DUSP22: variants seen among roughly 807,000 people sequenced by gnomAD.
The protein encoded by DUSP22 is dual specificity protein phosphatase 22.
DUSP22 carries 24 observed loss-of-function variants against 24.5 expected under a neutral mutation model. The ratio of observed to expected loss-of-function variants is 0.98; its 90% CI spans 0.71 to 1.38. The LOEUF is 1.38. Ranked by LOEUF, DUSP22 falls within the 40% of genes most tolerant of loss-of-function variation. DUSP22 has a pLI of 0.00. For synonymous variants in DUSP22, 160 were observed against 106.4 expected (o/e 1.50, Z -3.10); for missense variants, 330 against 269.2 (o/e 1.23, Z -1.58).
intron 3 of DUSP22, among the ~76,000 whole-genome samples, chr6:323,610 G>A (rs1486144551): frequency 5.3e-5 from 8 of 152,300 alleles, no homozygotes; most frequent in Admixed American, 1.3e-4. Context: ...GAGAGGACGC[G>A]GGGAAGTGGC....
chr6:307,042 G>A (rs1048991581), intron 2 of DUSP22, among the ~76,000 whole-genome samples: 1 of 152,310 alleles, frequency 6.6e-6, no homozygotes, highest in African/African-American at 2.4e-5. Flanking sequence ...TCTGCAGTAG[G>A]CAGCTGGGTG....
In DUSP22 at chr6:349,164, C is replaced by A; in HGVS notation, c.*213C>A. The A allele has an allele frequency of 1.4e-6, 2 of 1,433,934 alleles. No individual in the cohort carries two copies. The highest frequency in any genetic ancestry group is 1.8e-6 in the Non-Finnish European group (2 of 1,099,812). 88.8% of individuals were successfully genotyped at this position (1,433,934 alleles called of 1,614,324 possible). A position where few individuals can be genotyped will look rare whatever the true frequency, so the allele number is the denominator to read the frequency against. ...CCTGGCTGCACCTGAGCTTGCTGCC[C>A]CTGGGGATGTTGCCCAGTGGCTGTG... is the stretch of plus-strand genomic sequence containing the variant. On this transcript the variant is annotated 3_prime_UTR_variant, in exon 7 of 7. Coordinates refer to ENST00000419235, the MANE Select transcript of DUSP22 (RefSeq NM_001286555.3).
chr6:332,140 G>A (rs1361948104), intron 3 of DUSP22, among the ~76,000 whole-genome samples: 1 of 152,304 alleles, frequency 6.6e-6, no homozygotes, highest in Non-Finnish European at 1.5e-5. Context: ...AGTGCCTGCT[G>A]TGTGCCGGGC....
rs1758771436 is a variant in DUSP22 at position 324,710 on chromosome 6, C to A, written c.139-10404C>A. ...CTCAAAACAGCTTCTAGAGTATGAT[C>A]CCAGAGGGAGGATGTGGTGTTCGGC... is the stretch of plus-strand genomic sequence containing the variant. On this transcript the variant is annotated intron_variant, in intron 3 of 6. Coordinates refer to ENST00000419235, the MANE Select transcript of DUSP22 (RefSeq NM_001286555.3). 3.3e-5 allele frequency among the ~76,000 whole-genome samples: 5 copies of A among 152,424 alleles called. No individual in the cohort carries two copies. In the South Asian group the frequency reaches 1.0e-3, roughly 32 times the overall value.
At position 348,261 on chromosome 6, in the gene DUSP22, A is replaced by G. The variant is rs766216487; in HGVS notation, c.422A>G (p.His141Arg). The change falls in exon 6 of 7, where the codon CAT becomes CGT. Residue 141 changes from histidine (H) to arginine (R), a missense_variant. Transcript: ENST00000419235. ...FQRQLQEFEK[H>R]EVHQYRQWLK... is the part of the protein sequence containing the mutation. ...AGACAGCTCCAGGAGTTTGAGAAGC[A>G]TGAGGTCCATCAGGTAAGCAGTTCT... is the stretch of plus-strand genomic sequence containing the variant. 3 of 1,614,298 alleles carry G rather than the reference A, an allele frequency of 1.9e-6. No homozygotes were observed. Among genetic ancestry groups the G allele is most frequent in the Non-Finnish European group, 2.5e-6 (3 of 1,180,052 alleles).
At chr6:331,097 G>A (rs537187103) in intron 3 of DUSP22, among the ~76,000 whole-genome samples, 1 of 152,414 alleles carries the variant, frequency 6.6e-6, no homozygotes, top group Non-Finnish European at 1.5e-5. Context: ...AGCAAACACA[G>A]AGCCCATTTT....
chr6:296,261 A>G (rs556552727), intron 1 of DUSP22, among the ~76,000 whole-genome samples: 1,478 of 151,874 alleles, frequency 9.7e-3, no homozygotes, highest in African/African-American at 0.034. Context: ...TATAATTGCC[A>G]ATGAGTTTAT....
chr6:347,550 C>G (rs371001440), intron 5 of DUSP22, among the ~76,000 whole-genome samples: 3 of 152,298 alleles, frequency 2.0e-5, no homozygotes, highest in Admixed American at 6.5e-5. Context: ...TCCCACCCTG[C>G]GGACACAGTG....
chr6:314,202 T>G (rs1758240068), intron 3 of DUSP22, among the ~76,000 whole-genome samples: 1 of 152,278 alleles, frequency 6.6e-6, no homozygotes, highest in Non-Finnish European at 1.5e-5. Context: ...AGCCCCTAAG[T>G]GAGGGTGATA....
chr6:324,943 A>G (rs1291101684), intron 3 of DUSP22, among the ~76,000 whole-genome samples: 2 of 152,292 alleles, frequency 1.3e-5, no homozygotes, highest in Non-Finnish European at 2.9e-5. Flanking sequence ...GTGCCTCCCT[A>G]AGGAGGGAGC....
rs752749709 is a variant in DUSP22 at position 349,000 on chromosome 6, C to T, written c.*49C>T. 2.0e-4 allele frequency: 308 copies of T among 1,548,792 alleles called. No individual in the cohort carries two copies. Among genetic ancestry groups the T allele is most frequent in the East Asian group, 7.8e-4 (32 of 40,914 alleles). On this transcript the variant is annotated 3_prime_UTR_variant, in exon 7 of 7. Coordinates refer to ENST00000419235, the MANE Select transcript of DUSP22 (RefSeq NM_001286555.3). ...TCCCACTGCTTGTCTTCAGTGTGCC[C>T]GGCTGGGCAGGGGTGCGGTGGTGGT... is the stretch of plus-strand genomic sequence containing the variant.
chr6:296,151 TAAGG>T (rs1757319021), intron 1 of DUSP22, among the ~76,000 whole-genome samples: 2 of 152,422 alleles, frequency 1.3e-5, no homozygotes, highest in African/African-American at 2.4e-5. Flanking sequence ...TTGACATTGA[TAAGG>T]AAGGGGGTAA....
chr6:349,997 A>G lies in DUSP22; in HGVS notation c.*1046A>G, dbSNP rs1760116147. 1 of 985,638 alleles carries G rather than the reference A, an allele frequency of 1.0e-6. No homozygotes were observed. Among genetic ancestry groups the G allele is most frequent in the Non-Finnish European group, 1.2e-6 (1 of 830,082 alleles). The allele number at this position is 985,638 out of a possible 1,614,324, so 61.1% of individuals were successfully genotyped here. On this transcript the variant is annotated 3_prime_UTR_variant, in exon 7 of 7. Coordinates refer to ENST00000419235, the MANE Select transcript of DUSP22 (RefSeq NM_001286555.3). ...CCTGCAAGAATTGGGAAGAAAGAGC[A>G]TTTATTAGGCACTGTAGCAATTTGC...
intron 3 of DUSP22, among the ~76,000 whole-genome samples, chr6:324,895 C>T (rs1048099525): frequency 6.6e-6 from 1 of 152,308 alleles, no homozygotes; most frequent in Admixed American, 6.5e-5. Context: ...CTGGCTTAGC[C>T]AACTGCAAAA....
At chr6:334,702 G>C (rs923743177) in intron 3 of DUSP22, among the ~76,000 whole-genome samples, 1 of 152,296 alleles carries the variant, frequency 6.6e-6, no homozygotes, top group East Asian at 1.9e-4. Flanking sequence ...TTTCACTCTT[G>C]TTAAGGTTTT....
intron 3 of DUSP22, among the ~76,000 whole-genome samples, chr6:328,596 A>G (rs1758996057): frequency 6.6e-6 from 1 of 152,414 alleles, no homozygotes; most frequent in East Asian, 1.9e-4. Context: ...TCCCCGCCCC[A>G]TCAGTACCAC....
At chr6:294,045 C>A (rs1190000986) in intron 1 of DUSP22, among the ~76,000 whole-genome samples, 1 of 152,284 alleles carries the variant, frequency 6.6e-6, no homozygotes, top group Non-Finnish European at 1.5e-5. Context: ...TTGAGCTGTT[C>A]ACTCTCCACC....
intron 1 of DUSP22, among the ~76,000 whole-genome samples, chr6:304,154 C>G (rs1250512548): frequency 1.3e-5 from 2 of 152,308 alleles, no homozygotes; most frequent in African/African-American, 4.8e-5. Flanking sequence ...AGCATCGCCA[C>G]ACAGGGGACA....
At chr6:328,840 G>A (rs1319529495) in intron 3 of DUSP22, among the ~76,000 whole-genome samples, 1 of 152,302 alleles carries the variant, frequency 6.6e-6, no homozygotes, top group African/African-American at 2.4e-5. Context: ...GAGAGGTCTT[G>A]TCTGCTGGAC....
Sources: gnomAD v4.1 joint callset for allele counts (sites outside exome capture counted in the v4.1 genomes callset) on GRCh38, gnomAD v4.1.1 for gene constraint, MANE v1.5 for transcripts, NCBI Gene and HGNC (gene_info 2026-07-23, HGNC 2026-07-21) for gene names.